The following BPGM variants were observed in gnomAD, a reference collection of about 807,000 sequenced individuals.
The protein encoded by BPGM is 2,3-bisphosphoglycerate mutase, erythrocyte.
In BPGM, 15 loss-of-function variants were observed where a neutral mutation model predicts 21.6. The observed-to-expected ratio is 0.70, with a 90% CI of 0.47 to 1.07. BPGM has a LOEUF of 1.07. BPGM is among the 50% of genes least tolerant of loss of function. The probability of loss-of-function intolerance (pLI) is 0.00; values close to 1 mark genes in which losing one functional copy is unlikely to be tolerated. For synonymous variants in BPGM, 113 were observed against 116.2 expected, an observed-to-expected ratio of 0.97 and a Z score of 0.18; for missense variants, 273 against 319.0, an observed-to-expected ratio of 0.86 and a Z score of 1.10.
chr7:134,679,751 G>C lies in BPGM; in HGVS notation c.*720G>C, dbSNP rs1279673279. On this transcript the variant is annotated 3_prime_UTR_variant, in exon 3 of 3. Transcript: ENST00000344924. The stretch of plus-strand genomic sequence containing the variant: ...GTTTGTTTTAATTTTTTGAACTTTG[G>C]GTACCTGTAATTAGTTTAAAAATAA... 3 of 152,020 alleles carry C rather than the reference G, an allele frequency of 2.0e-5. No individual in the cohort carries two copies. Among genetic ancestry groups the C allele is most frequent in the African/African-American group, 7.2e-5 (3 of 41,384 alleles). 9.4% of individuals were successfully genotyped at this position (152,020 alleles called of 1,614,324 possible).
Position 134,646,918 on chromosome 7 carries a change from TGC to T in BPGM, c.-80_-79del. The T allele has an allele frequency of 5.2e-6, 1 of 191,274 alleles. No individual in the cohort carries two copies. Among genetic ancestry groups the T allele is most frequent in the Non-Finnish European group, 1.1e-5 (1 of 88,744 alleles). The allele number at this position is 191,274 out of a possible 1,614,324, so 11.8% of individuals were successfully genotyped here. A position where few individuals can be genotyped will look rare whatever the true frequency, so the allele number is the denominator to read the frequency against. On this transcript the variant is annotated 5_prime_UTR_variant, in exon 1 of 3. An upstream open reading frame in the 5' UTR loses its in-frame stop. Coordinates refer to ENST00000344924, the MANE Select transcript of BPGM (RefSeq NM_001724.5). The stretch of plus-strand genomic sequence containing the variant: ...GAGCGGCTGCTGCTGCTGCTGCTGC[TGC>T]TGGTGGCCCCTTTGCAGGTGAGTGG...
In BPGM at chr7:134,671,511, G is replaced by A. The variant is rs181423844; in HGVS notation, c.602-7342G>A. The stretch of plus-strand genomic sequence containing the variant: ...CAAGTAGCTGGGACTACAGGTACCC[G>A]CCACCACGCCCGGCTAATTTTGTTT... On this transcript the variant is annotated intron_variant, in intron 2 of 2. Transcript: ENST00000344924. 4.9e-3 allele frequency among the ~76,000 whole-genome samples: 743 copies of A among 151,872 alleles called. 8 individuals are homozygous for A. The highest frequency in any genetic ancestry group is 0.043 in the South Asian group (205 of 4,790).
intron 1 of BPGM, among the ~76,000 whole-genome samples, chr7:134,648,479 T>C (rs1795505624): frequency 6.6e-6 from 1 of 152,170 alleles, no homozygotes; most frequent in African/African-American, 2.4e-5. Context: ...GGAATAGCTC[T>C]TTCTTAGCCA....
At chr7:134,655,462 G>T (rs1239684271) in intron 1 of BPGM, among the ~76,000 whole-genome samples, 5 of 152,110 alleles carry the variant, frequency 3.3e-5, no homozygotes, top group African/African-American at 4.8e-5. Flanking sequence ...TCCAGTGGGG[G>T]GTTGAAGGCA....
At position 134,646,886 on chromosome 7, in the gene BPGM, C is replaced by G. The variant is rs541822114; in HGVS notation, c.-113C>G. Reference sequence around the variant, plus strand: ...CTAGGAGGCGCTGGCTCTTTGGCGGCTCGGAGGAGCGGCTGCTGCTGCTGC... The same window carrying G: ...CTAGGAGGCGCTGGCTCTTTGGCGGGTCGGAGGAGCGGCTGCTGCTGCTGC... On this transcript the variant is annotated 5_prime_UTR_variant, in exon 1 of 3. Coordinates refer to ENST00000344924, the MANE Select transcript of BPGM (RefSeq NM_001724.5). 1.6e-5 allele frequency: 3 copies of G among 187,560 alleles called. No individual in the cohort carries two copies. In the South Asian group the frequency reaches 2.2e-4, roughly 14 times the overall value. The allele number at this position is 187,560 out of a possible 1,614,324, so 11.6% of individuals were successfully genotyped here. A position where few individuals can be genotyped will look rare whatever the true frequency, so the allele number is the denominator to read the frequency against.
At chr7:134,650,715 G>C (rs1386950388) in intron 1 of BPGM, among the ~76,000 whole-genome samples, 1 of 152,184 alleles carries the variant, frequency 6.6e-6, no homozygotes, top group Admixed American at 6.5e-5. Context: ...GAGGTCAGGA[G>C]ATCAAGACCA....
chr7:134,649,121 T>G (rs1795514855), intron 1 of BPGM, among the ~76,000 whole-genome samples: 1 of 152,226 alleles, frequency 6.6e-6, no homozygotes, highest in Non-Finnish European at 1.5e-5. Context: ...TCCTTTATGT[T>G]TCAAACAATC....
intron 1 of BPGM, among the ~76,000 whole-genome samples, chr7:134,648,239 G>A (rs896304584): frequency 6.6e-6 from 1 of 150,550 alleles, no homozygotes; most frequent in Non-Finnish European, 1.5e-5. Flanking sequence ...GGATTCAATC[G>A]ATTCTCCTGC....
In BPGM at chr7:134,679,489, T is replaced by C. The variant is rs936653654; in HGVS notation, c.*458T>C. ...TATGTATTTATTACTAGTCTTTTCC[T>C]CTAGGAAAAGGGATACTTTGATAAT... On this transcript the variant is annotated 3_prime_UTR_variant, in exon 3 of 3. Transcript: ENST00000344924. The C allele has an allele frequency of 6.4e-6, 1 of 156,244 alleles. No homozygotes were observed. The highest frequency in any genetic ancestry group is 2.4e-5 in the African/African-American group (1 of 41,476). 9.7% of individuals were successfully genotyped at this position (156,244 alleles called of 1,614,324 possible). A position where few individuals can be genotyped will look rare whatever the true frequency, so the allele number is the denominator to read the frequency against.
At chr7:134,672,956 C>T (rs1795928356) in intron 2 of BPGM, among the ~76,000 whole-genome samples, 1 of 152,044 alleles carries the variant, frequency 6.6e-6, no homozygotes, top group Non-Finnish European at 1.5e-5. Flanking sequence ...GGGCAGATCA[C>T]GAGGTCAGGA....
At chr7:134,665,989 T>C (rs528295014) in intron 2 of BPGM, among the ~76,000 whole-genome samples, 12 of 152,222 alleles carry the variant, frequency 7.9e-5, no homozygotes, top group African/African-American at 2.9e-4. Flanking sequence ...GCGATTCTCA[T>C]GCCTCAGCCT....
intron 1 of BPGM, chr7:134,647,364 G>C (rs915297726): frequency 6.6e-6 from 1 of 152,178 alleles, no homozygotes; most frequent in African/African-American, 2.4e-5. Context: ...CTATCATTTT[G>C]TGTAGTAGAC....
chr7:134,664,606 G>A (rs1237941613), intron 2 of BPGM, among the ~76,000 whole-genome samples: 2 of 152,144 alleles, frequency 1.3e-5, no homozygotes, highest in Non-Finnish European at 2.9e-5. Flanking sequence ...CCATCACAAT[G>A]CCCAAGAGGA....
intron 1 of BPGM, among the ~76,000 whole-genome samples, chr7:134,651,639 G>C (rs1795556560): frequency 6.6e-6 from 1 of 152,128 alleles, no homozygotes; most frequent in Non-Finnish European, 1.5e-5. Flanking sequence ...GCAGTGCCTT[G>C]CAAGTACATC....
At chr7:134,676,989 T>G (rs1451558503) in intron 2 of BPGM, among the ~76,000 whole-genome samples, 1 of 152,168 alleles carries the variant, frequency 6.6e-6, no homozygotes, top group Non-Finnish European at 1.5e-5. Flanking sequence ...CAGCTAGAGG[T>G]CTGGTCTGAG....
intron 1 of BPGM, among the ~76,000 whole-genome samples, chr7:134,658,892 A>ATTTTTTTTT (rs1554411129): frequency 6.9e-6 from 1 of 143,952 alleles, no homozygotes; most frequent in Admixed American, 7.0e-5. Flanking sequence ...GTGTGTGTGT[A>ATTTTTTTTT]TTTTTTTTTT....
chr7:134,655,843 T>C (rs1386030032), intron 1 of BPGM, among the ~76,000 whole-genome samples: 1 of 152,200 alleles, frequency 6.6e-6, no homozygotes, highest in Non-Finnish European at 1.5e-5. Flanking sequence ...TGTGCTAGGT[T>C]CTAGAGATAC....
intron 1 of BPGM, among the ~76,000 whole-genome samples, chr7:134,649,810 AAT>A (rs1370067839): frequency 2.0e-5 from 3 of 152,152 alleles, no homozygotes; most frequent in African/African-American, 7.2e-5. Flanking sequence ...TCTACCACCT[AAT>A]TTAAGCATTT....
chr7:134,659,567 A>C (rs1468409696), intron 1 of BPGM, among the ~76,000 whole-genome samples: 4 of 152,134 alleles, frequency 2.6e-5, no homozygotes, highest in Admixed American at 6.5e-5. Flanking sequence ...TGCCTCTTCT[A>C]GGCTAAGGAC....
Sources: allele counts gnomAD v4.1 joint callset (sites outside exome capture counted in the v4.1 genomes callset), GRCh38; gene constraint gnomAD v4.1.1; transcripts MANE v1.5; gene names NCBI Gene and HGNC (gene_info 2026-07-23, HGNC 2026-07-21).